Variants in EYS observed in about 807,000 individuals in gnomAD.
EYS encodes EGF-like photoreceptor maintenance factor.
EYS carries 250 observed loss-of-function variants against 282.1 expected under a neutral mutation model. The ratio of observed to expected loss-of-function variants is 0.89; its 90% CI spans 0.80 to 0.98. The LOEUF is 0.98. Among genes scored for constraint, EYS ranks in the 50% least tolerant of loss-of-function variants. The probability of loss-of-function intolerance (pLI) is 0.00; values close to 1 mark genes in which losing one functional copy is unlikely to be tolerated. For missense variants in EYS, 4,016 were observed against 3,709.0 expected (o/e 1.08, Z -2.15); for synonymous variants, 1,355 against 1,282.9 (o/e 1.06, Z -1.20).
chr6:64,757,787 T>TGTGC (rs1344050592), intron 22 of EYS, among the ~76,000 whole-genome samples: 1 of 146,416 alleles, frequency 6.8e-6, no homozygotes, highest in Non-Finnish European at 1.5e-5. Context: ...TGTGTGTGTG[T>TGTGC]TTTGTTTGTT....
At chr6:63,892,730 G>C (rs1017895278) in intron 35 of EYS, among the ~76,000 whole-genome samples, 8 of 152,274 alleles carry the variant, frequency 5.3e-5, no homozygotes, top group African/African-American at 1.7e-4. Flanking sequence ...ATGGACAAAT[G>C]GGGTCTAATT....
At chr6:64,657,704 G>A (rs1320889328) in intron 22 of EYS, among the ~76,000 whole-genome samples, 1 of 152,176 alleles carries the variant, frequency 6.6e-6, no homozygotes, top group Non-Finnish European at 1.5e-5. Context: ...CTGGCTTGTA[G>A]AGTTTCTGCC....
At chr6:63,939,294 T>C (rs538819387) in intron 35 of EYS, among the ~76,000 whole-genome samples, 1 of 152,230 alleles carries the variant, frequency 6.6e-6, no homozygotes, top group Non-Finnish European at 1.5e-5. Flanking sequence ...TTTGTAAAAT[T>C]TTCATAGGCA....
intron 24 of EYS, among the ~76,000 whole-genome samples, chr6:64,605,978 G>T (rs537198885): frequency 7.9e-5 from 12 of 151,890 alleles, no homozygotes; most frequent in African/African-American, 2.9e-4. Flanking sequence ...AACATCTTAC[G>T]TTCCTCCATT....
chr6:64,364,694 C>A (rs1253657865), intron 29 of EYS, among the ~76,000 whole-genome samples: 2 of 146,988 alleles, frequency 1.4e-5, no homozygotes, highest in African/African-American at 5.0e-5. Context: ...CCCACTTTTA[C>A]ATTTTAAAGA....
chr6:64,650,830 C>A (rs2149878132), intron 22 of EYS, among the ~76,000 whole-genome samples: 1 of 152,092 alleles, frequency 6.6e-6, no homozygotes, highest in South Asian at 2.1e-4. Context: ...TTCAGGTAAG[C>A]ACATGTACCC....
At chr6:64,586,015 C>T (rs1766223498) in intron 26 of EYS, among the ~76,000 whole-genome samples, 1 of 151,958 alleles carries the variant, frequency 6.6e-6, no homozygotes, top group South Asian at 2.1e-4. Flanking sequence ...GTAGTTTGAA[C>T]TTTTTGTTGC....
chr6:64,633,799 C>G (rs1278509588), intron 22 of EYS, among the ~76,000 whole-genome samples: 1 of 152,050 alleles, frequency 6.6e-6, no homozygotes, highest in Non-Finnish European at 1.5e-5. Context: ...GGAGCCTTGA[C>G]CAATAGCCAC....
intron 1 of EYS, among the ~76,000 whole-genome samples, chr6:65,664,244 C>G (rs1222869121): frequency 3.3e-5 from 5 of 152,092 alleles, no homozygotes; most frequent in Non-Finnish European, 2.9e-5. Context: ...AAGTGACAAT[C>G]TTCACCAAAC....
intron 30 of EYS, among the ~76,000 whole-genome samples, chr6:64,284,505 T>A (rs1768425577): frequency 6.6e-6 from 1 of 152,126 alleles, no homozygotes; most frequent in African/African-American, 2.4e-5. Context: ...TAGGTGGATC[T>A]ACCATTCTGG....
At chr6:64,832,387 C>A (rs1227150215) in intron 19 of EYS, among the ~76,000 whole-genome samples, 1 of 151,556 alleles carries the variant, frequency 6.6e-6, no homozygotes, top group African/African-American at 2.4e-5. Context: ...TATGAGGTAT[C>A]TAGTCACCAA....
chr6:64,859,675 T>A (rs1318845237), intron 19 of EYS, among the ~76,000 whole-genome samples: 1 of 152,218 alleles, frequency 6.6e-6, no homozygotes, highest in South Asian at 2.1e-4. Flanking sequence ...ATGTGAGATG[T>A]GCCTTTCACT....
At chr6:65,272,910 A>T (rs966521285) in intron 12 of EYS, among the ~76,000 whole-genome samples, 6 of 152,186 alleles carry the variant, frequency 3.9e-5, no homozygotes, top group African/African-American at 1.4e-4. Context: ...GGCCTACCAT[A>T]AGCATGTGTG....
intron 29 of EYS, among the ~76,000 whole-genome samples, chr6:64,330,543 T>C (rs952106251): frequency 6.6e-6 from 1 of 152,034 alleles, no homozygotes; most frequent in Non-Finnish European, 1.5e-5. Context: ...TGTATGTCCA[T>C]GAAAGAAAAG....
intron 33 of EYS, among the ~76,000 whole-genome samples, chr6:64,009,341 T>C (rs1241855957): frequency 6.6e-6 from 1 of 151,566 alleles, no homozygotes; most frequent in Non-Finnish European, 1.5e-5. Context: ...TGGAGTGCAG[T>C]GGCGTGATCT....
intron 26 of EYS, 24 bp downstream of exon 26, chr6:64,590,199 C>T (rs1296387491): frequency 1.7e-5 from 26 of 1,495,114 alleles, no homozygotes; most frequent in Non-Finnish European, 2.3e-5. Context: ...TAAAAGTTTA[C>T]TGAACAGAAA....
chr6:65,046,684 A>G (rs143758520), intron 13 of EYS, among the ~76,000 whole-genome samples: 7 of 152,052 alleles, frequency 4.6e-5, no homozygotes, highest in Non-Finnish European at 1.0e-4. Context: ...ATCATTTTCA[A>G]GTGAAATAGA....
intron 12 of EYS, among the ~76,000 whole-genome samples, chr6:65,159,638 A>G (rs964074635): frequency 3.3e-5 from 5 of 150,704 alleles, no homozygotes; most frequent in Non-Finnish European, 6.0e-5. Flanking sequence ...ATTAATATCT[A>G]CTTCCGTAGG....
In EYS at chr6:65,086,979, C is replaced by G. The variant is rs559223332; in HGVS notation, c.2024-29252G>C. 1.2e-4 allele frequency among the ~76,000 whole-genome samples: 18 copies of G among 152,120 alleles called. No homozygotes were observed. The East Asian group carries it at 1.6e-3, about 13-fold the overall frequency. ...CTGGGACTACAGGTGCGTCCCACAACACCCAGCTAATTTTTGTATTTTTAG... is the reference window on the plus strand; with the variant it reads ...CTGGGACTACAGGTGCGTCCCACAAGACCCAGCTAATTTTTGTATTTTTAG... On this transcript the variant is annotated intron_variant, in intron 12 of 42. Transcript: ENST00000503581.
Sources: allele counts gnomAD v4.1 joint callset (sites outside exome capture counted in the v4.1 genomes callset), GRCh38; gene constraint gnomAD v4.1.1; transcripts MANE v1.5; gene names NCBI Gene and HGNC (gene_info 2026-07-23, HGNC 2026-07-21).